The following ASIC2 variants were observed in gnomAD, a reference collection of about 807,000 sequenced individuals.
ASIC2 encodes the protein acid sensing ion channel subunit 2, also known as acid-sensing ion channel 2.
Under a neutral mutation model 57.3 loss-of-function variants are expected in ASIC2, and 25 were observed. The ratio of observed to expected loss-of-function variants is 0.44; its 90% CI spans 0.32 to 0.61. The LOEUF is 0.61. ASIC2 is among the 20% of genes least tolerant of loss of function. The pLI is 0.06. For missense variants in ASIC2, 641 were observed against 738.1 expected, an observed-to-expected ratio of 0.87 and a Z score of 1.52; for synonymous variants, 319 against 307.5, an observed-to-expected ratio of 1.04 and a Z score of -0.39.
intron 1 of ASIC2, among the ~76,000 whole-genome samples, chr17:34,066,741 T>C (rs1027950846): frequency 6.6e-6 from 1 of 152,202 alleles, no homozygotes; most frequent in African/African-American, 2.4e-5. Context: ...TGTTTTTGAA[T>C]TCCAGGAACT....
At chr17:33,381,571 C>CG (rs55755787) in intron 1 of ASIC2, among the ~76,000 whole-genome samples, 10 of 152,052 alleles carry the variant, frequency 6.6e-5, no homozygotes, top group African/African-American at 1.9e-4. Context: ...GTATGTGCCC[C>CG]GGGGGGGCAC....
chr17:33,882,451 G>T (rs895423264), intron 1 of ASIC2, among the ~76,000 whole-genome samples: 1 of 152,130 alleles, frequency 6.6e-6, no homozygotes, highest in African/African-American at 2.4e-5. Flanking sequence ...GTGGGCGAAG[G>T]ATATGAACAG....
intron 1 of ASIC2, among the ~76,000 whole-genome samples, chr17:33,919,851 A>T (rs1359170427): frequency 6.6e-6 from 1 of 152,264 alleles, no homozygotes; most frequent in Non-Finnish European, 1.5e-5. Context: ...CCCATTAAAA[A>T]GCGGGCAAAG....
intron 1 of ASIC2, among the ~76,000 whole-genome samples, chr17:34,079,715 G>A (rs1909806377): frequency 6.6e-6 from 1 of 152,180 alleles, no homozygotes; most frequent in African/African-American, 2.4e-5. Flanking sequence ...GCCACCCAGG[G>A]TGCAGAATTT....
At chr17:33,347,045 GAC>G (rs1050648077) in intron 1 of ASIC2, among the ~76,000 whole-genome samples, 58 of 152,282 alleles carry the variant, frequency 3.8e-4, no homozygotes, top group African/African-American at 1.3e-3. Flanking sequence ...GATTTGGAAA[GAC>G]CTTTGCACAC....
intron 1 of ASIC2, among the ~76,000 whole-genome samples, chr17:33,252,591 T>C (rs1033908634): frequency 6.6e-6 from 1 of 152,052 alleles, no homozygotes; most frequent in Non-Finnish European, 1.5e-5. Flanking sequence ...CTGCGATGGG[T>C]GCACAGATGC....
At chr17:33,089,074 G>A in intron 2 of ASIC2, 84 bp from the exon 3 acceptor site, 1 of 1,556,874 alleles carries the variant, frequency 6.4e-7, no homozygotes, top group Non-Finnish European at 8.7e-7. Context: ...TCAAAGGGAT[G>A]CTGAAAAGAC....
chr17:33,720,789 G>T (rs1038662613), intron 1 of ASIC2, among the ~76,000 whole-genome samples: 4 of 152,168 alleles, frequency 2.6e-5, no homozygotes, highest in Admixed American at 1.3e-4. Context: ...TAAGAGGAAA[G>T]GTAAGAGATG....
intron 1 of ASIC2, among the ~76,000 whole-genome samples, chr17:33,575,441 G>A (rs1916588652): frequency 6.6e-6 from 1 of 152,136 alleles, no homozygotes. Context: ...CTACCTTTAG[G>A]TATAAATAAT....
At chr17:33,086,923 C>G (rs2092136262) in intron 3 of ASIC2, among the ~76,000 whole-genome samples, 1 of 152,172 alleles carries the variant, frequency 6.6e-6, no homozygotes, top group African/African-American at 2.4e-5. Context: ...CTCTGCTGCT[C>G]AAGCCCTTGC....
intron 1 of ASIC2, among the ~76,000 whole-genome samples, chr17:33,933,785 A>G (rs1339050769): frequency 6.6e-6 from 1 of 152,218 alleles, no homozygotes; most frequent in Non-Finnish European, 1.5e-5. Context: ...GGCATCACAG[A>G]ATCCTTTGAG....
intron 1 of ASIC2, among the ~76,000 whole-genome samples, chr17:33,599,331 TG>T (rs1349927100): frequency 1.3e-5 from 2 of 152,238 alleles, no homozygotes; most frequent in Admixed American, 6.5e-5. Context: ...CACAGCCAGC[TG>T]GGAAGGGAGA....
At chr17:33,565,121 G>A (rs1239934646) in intron 1 of ASIC2, among the ~76,000 whole-genome samples, 1 of 152,148 alleles carries the variant, frequency 6.6e-6, no homozygotes, top group Non-Finnish European at 1.5e-5. Flanking sequence ...TGCTGGGTTA[G>A]GGTCTCCCCG....
At chr17:33,335,596 G>A (rs1253812829) in intron 1 of ASIC2, among the ~76,000 whole-genome samples, 1 of 152,102 alleles carries the variant, frequency 6.6e-6, no homozygotes, top group Non-Finnish European at 1.5e-5. Context: ...ATCCATATGC[G>A]TGGGGACTTA....
At chr17:33,187,917 A>G (rs1388057282) in intron 1 of ASIC2, among the ~76,000 whole-genome samples, 1 of 151,376 alleles carries the variant, frequency 6.6e-6, no homozygotes, top group Non-Finnish European at 1.5e-5. Flanking sequence ...AAAAAAAAAA[A>G]AGAAAAAAAG....
At chr17:33,239,559 C>G (rs1908427689) in intron 1 of ASIC2, among the ~76,000 whole-genome samples, 1 of 152,158 alleles carries the variant, frequency 6.6e-6, no homozygotes, top group Non-Finnish European at 1.5e-5. Context: ...AATACTGGCA[C>G]ACAGTAAGAG....
At chr17:34,067,066 T>C (rs1401882609) in intron 1 of ASIC2, among the ~76,000 whole-genome samples, 4 of 152,368 alleles carry the variant, frequency 2.6e-5, no homozygotes, top group African/African-American at 9.6e-5. Context: ...TGTGAGCACG[T>C]GTCCGTCTCT....
At chr17:33,621,891 T>C (rs921696919) in intron 1 of ASIC2, among the ~76,000 whole-genome samples, 1 of 152,134 alleles carries the variant, frequency 6.6e-6, no homozygotes, top group Non-Finnish European at 1.5e-5. Context: ...AGGTATTGAA[T>C]CTGTTAAGTT....
At chr17:33,972,332 C>T (rs921701102) in intron 1 of ASIC2, among the ~76,000 whole-genome samples, 3 of 151,890 alleles carry the variant, frequency 2.0e-5, no homozygotes, top group Non-Finnish European at 4.4e-5. Context: ...ACAGGAAGGA[C>T]GATAGAAAAA....
Sources: allele counts gnomAD v4.1 joint callset (sites outside exome capture counted in the v4.1 genomes callset), GRCh38; gene constraint gnomAD v4.1.1; transcripts MANE v1.5; gene names NCBI Gene and HGNC (gene_info 2026-07-23, HGNC 2026-07-21).